Variants in SUPT3H observed in about 807,000 individuals in gnomAD.
SUPT3H encodes transcription initiation protein SPT3 homolog.
In SUPT3H, 44 loss-of-function variants were observed where a neutral mutation model predicts 44.3. The ratio of observed to expected loss-of-function variants is 0.99; its 90% CI spans 0.78 to 1.28. The LOEUF (loss-of-function observed/expected upper bound fraction) is 1.28. Ranked by LOEUF, SUPT3H falls within the 50% of genes most tolerant of loss-of-function variation. SUPT3H has a pLI of 0.00. For missense variants in SUPT3H, 380 were observed against 387.1 expected (o/e 0.98, Z 0.15); for synonymous variants, 124 against 125.6 (o/e 0.99, Z 0.09).
chr6:45,218,602 C>T (rs961707913), intron 2 of SUPT3H, among the ~76,000 whole-genome samples: 33 of 152,240 alleles, frequency 2.2e-4, no homozygotes, highest in African/African-American at 6.5e-4. Context: ...GGCATGATGG[C>T]GCATGCCTGT....
At chr6:44,871,189 G>T (rs1470302160) in intron 10 of SUPT3H, among the ~76,000 whole-genome samples, 1 of 148,276 alleles carries the variant, frequency 6.7e-6, no homozygotes, top group African/African-American at 2.5e-5. Flanking sequence ...TCCACCTCTG[G>T]GGGCAGGGCA....
intron 2 of SUPT3H, among the ~76,000 whole-genome samples, chr6:45,297,385 C>A (rs1018696093): frequency 2.0e-5 from 3 of 152,140 alleles, no homozygotes; most frequent in African/African-American, 7.2e-5. Flanking sequence ...CTAGATTTTC[C>A]TTCACCAGTG....
intron 2 of SUPT3H, among the ~76,000 whole-genome samples, chr6:45,285,542 T>C (rs1194338184): frequency 1.3e-5 from 2 of 152,006 alleles, no homozygotes; most frequent in East Asian, 1.9e-4. Context: ...ACAAGGGACG[T>C]GAAGGACCTC....
intron 6 of SUPT3H, among the ~76,000 whole-genome samples, chr6:44,973,466 T>C (rs1777879382): frequency 6.6e-6 from 1 of 152,210 alleles, no homozygotes; most frequent in East Asian, 1.9e-4. Flanking sequence ...ATTTCCAAAC[T>C]TTCCTACATC....
intron 10 of SUPT3H, among the ~76,000 whole-genome samples, chr6:44,889,792 C>T (rs1296782431): frequency 2.0e-5 from 3 of 152,054 alleles, no homozygotes; most frequent in Non-Finnish European, 4.4e-5. Flanking sequence ...AGCTTCTGCA[C>T]AGCAAAAGAA....
chr6:45,150,720 G>GTTTTTTTTT (rs11319902), intron 2 of SUPT3H, among the ~76,000 whole-genome samples: 2 of 99,292 alleles, frequency 2.0e-5, no homozygotes, highest in Admixed American at 1.2e-4. Flanking sequence ...TTTATTCTGC[G>GTTTTTTTTT]TTTTTTTTTT....
intron 2 of SUPT3H, among the ~76,000 whole-genome samples, chr6:45,248,949 T>C (rs1771874761): frequency 6.6e-6 from 1 of 151,046 alleles, no homozygotes; most frequent in African/African-American, 2.4e-5. Flanking sequence ...ACATTACTGA[T>C]GGCAATGCGA....
intron 5 of SUPT3H, among the ~76,000 whole-genome samples, chr6:45,009,844 T>A (rs911973183): frequency 6.6e-6 from 1 of 152,148 alleles, no homozygotes; most frequent in African/African-American, 2.4e-5. Flanking sequence ...TATTTCTATA[T>A]GATTGGTAGA....
intron 2 of SUPT3H, among the ~76,000 whole-genome samples, chr6:45,338,843 T>TAC (rs1432859562): frequency 6.6e-6 from 1 of 151,996 alleles, no homozygotes; most frequent in Non-Finnish European, 1.5e-5. Flanking sequence ...AAGGAGGTAC[T>TAC]CACTCTTGCA....
Position 45,200,314 on chromosome 6 carries a change from TTTTG to T in SUPT3H, c.102-94312_102-94309del, listed in dbSNP as rs544480423. On this transcript the variant is annotated intron_variant, in intron 2 of 10. Coordinates refer to ENST00000371459, the MANE Select transcript of SUPT3H (RefSeq NM_003599.4). ...ATTGTTTGTATAACTGCCATATATA[TTTTG>T]TCTATTTCTAGTAAGTTACCATTAA... 1.7e-3 allele frequency among the ~76,000 whole-genome samples: 261 copies of T among 151,466 alleles called. 3 individuals are homozygous for T. The highest frequency in any genetic ancestry group is 6.0e-3 in the African/African-American group (249 of 41,486).
chr6:45,181,893 AAATAAAT>A (rs1363357541), intron 2 of SUPT3H, among the ~76,000 whole-genome samples: 2 of 150,152 alleles, frequency 1.3e-5, no homozygotes, highest in African/African-American at 5.0e-5. Flanking sequence ...ATAAATAAAT[AAATAAAT>A]AATAAAACTA....
At chr6:44,969,312 A>G (rs1257999637) in intron 6 of SUPT3H, among the ~76,000 whole-genome samples, 1 of 152,194 alleles carries the variant, frequency 6.6e-6, no homozygotes, top group African/African-American at 2.4e-5. Flanking sequence ...AATACACGGA[A>G]AGTCTGGAAG....
At chr6:44,984,453 T>A (rs554227931) in intron 6 of SUPT3H, among the ~76,000 whole-genome samples, 1 of 152,308 alleles carries the variant, frequency 6.6e-6, no homozygotes, top group Non-Finnish European at 1.5e-5. Context: ...TGTATACCCA[T>A]CTGTAGGTTG....
chr6:45,210,416 T>G (rs996935984), intron 2 of SUPT3H, among the ~76,000 whole-genome samples: 4 of 152,104 alleles, frequency 2.6e-5, no homozygotes, highest in Non-Finnish European at 2.9e-5. Flanking sequence ...TCCTCTACCC[T>G]CCTCTCACAT....
At chr6:45,130,712 CTTTTTTTTTTTT>C (rs1194423160) in intron 2 of SUPT3H, among the ~76,000 whole-genome samples, 70 of 88,608 alleles carry the variant, frequency 7.9e-4, no homozygotes, top group Non-Finnish European at 1.2e-3. Flanking sequence ...AAAAAAACCA[CTTTTTTTTTTTT>C]TTTTTTTTTT....
chr6:45,376,576 G>T (rs1796805452), intron 1 of SUPT3H, among the ~76,000 whole-genome samples: 1 of 152,244 alleles, frequency 6.6e-6, no homozygotes, highest in Non-Finnish European at 1.5e-5. Flanking sequence ...GAAACTGCTA[G>T]TGAAAAGTGC....
chr6:45,091,909 A>G (rs1383685318), intron 3 of SUPT3H, among the ~76,000 whole-genome samples: 1 of 151,884 alleles, frequency 6.6e-6, no homozygotes, highest in African/African-American at 2.4e-5. Flanking sequence ...TATAAATTTT[A>G]TATTTTATAT....
At chr6:45,013,753 G>A (rs941815420) in intron 5 of SUPT3H, among the ~76,000 whole-genome samples, 1 of 152,058 alleles carries the variant, frequency 6.6e-6, no homozygotes, top group Non-Finnish European at 1.5e-5. Flanking sequence ...GGAGATGAGA[G>A]ATGCCTACCT....
intron 3 of SUPT3H, among the ~76,000 whole-genome samples, chr6:45,100,234 C>A (rs1798358921): frequency 6.6e-6 from 1 of 151,910 alleles, no homozygotes; most frequent in Non-Finnish European, 1.5e-5. Context: ...CAAAAATAGA[C>A]AAATGGAATT....
Sources: allele counts gnomAD v4.1 joint callset (sites outside exome capture counted in the v4.1 genomes callset), GRCh38; gene constraint gnomAD v4.1.1; transcripts MANE v1.5; gene names NCBI Gene and HGNC (gene_info 2026-07-23, HGNC 2026-07-21).